Variants in EXD3 observed in about 807,000 individuals in gnomAD.
The protein encoded by EXD3 is exonuclease 3'-5' domain containing 3, also known as exonuclease mut-7 homolog.
A neutral mutation model predicts 98.0 loss-of-function variants in EXD3; 92 were observed. That is an observed-to-expected ratio of 0.94 (90% confidence interval 0.79 to 1.12). The LOEUF is 1.12. EXD3 is among the 50% of genes most tolerant of loss of function. The pLI, the probability that EXD3 is intolerant of heterozygous loss-of-function variation, is 0.00. For synonymous variants in EXD3, 569 were observed against 526.0 expected (o/e 1.08, Z -1.12); for missense variants, 1,222 against 1,191.6 (o/e 1.03, Z -0.38).
Position 137,324,592 on chromosome 9 carries a change from A to G in EXD3, c.1999-449T>C, listed in dbSNP as rs1832286746. Among the ~76,000 whole-genome samples the G allele has an allele frequency of 6.6e-6, 1 of 152,210 alleles. No homozygotes were observed. Among genetic ancestry groups the G allele is most frequent in the Admixed American group, 6.5e-5 (1 of 15,288 alleles). On this transcript the variant is annotated intron_variant, in intron 17 of 21. Transcript: ENST00000340951. The surrounding 1 kb of genome is among the most constrained non-coding windows in gnomAD (Gnocchi z 4.1). ...TGACAGTGTCGACGTGGCTCTTCCC[A>G]AAGCTTTGTATGAACTGTGGCATAA...
At chr9:137,340,867 T>C (rs577207992) in intron 17 of EXD3, among the ~76,000 whole-genome samples, 6 of 152,298 alleles carry the variant, frequency 3.9e-5, no homozygotes, top group Non-Finnish European at 8.8e-5. Flanking sequence ...ATAGAGTCAA[T>C]GCAGTTCCAA....
At chr9:137,345,463 A>C (rs925074590) in intron 17 of EXD3, among the ~76,000 whole-genome samples, 7 of 152,186 alleles carry the variant, frequency 4.6e-5, no homozygotes, top group Admixed American at 4.6e-4. Context: ...GGAATTCGAG[A>C]CCAGCCTGAC....
Position 137,307,218 on chromosome 9 carries a change from G to C in EXD3, c.2363C>G (p.Pro788Arg). 6.3e-7 allele frequency: 1 copy of C among 1,574,980 alleles called. No homozygotes were observed. The highest frequency in any genetic ancestry group is 8.6e-7 in the Non-Finnish European group (1 of 1,160,630). The change falls in exon 22 of 22, where the codon CCC (proline) becomes CGC (arginine). Residue 788 changes from proline (P) to arginine (R), a missense_variant. Transcript: ENST00000340951. ...GTCAGCCATCTGCAGCCAGCGGCAG[G>C]GGCGGTCATAGGTGCAGCCCTCAGG... ...AAPEGCTYDRPCRWLQMADLR... is the reference protein window; with the variant it reads ...AAPEGCTYDRRCRWLQMADLR...
intron 1 of EXD3, among the ~76,000 whole-genome samples, chr9:137,402,014 T>TTCTTTTTTAGTTTTGTTTTTGAGATGGAG (rs1461629185): frequency 1.3e-4 from 20 of 152,242 alleles, no homozygotes; most frequent in African/African-American, 4.6e-4. Context: ...TTAAACATAA[T>TTCTTTTTTAGTTTTGTTTTTGAGATGGAG]TCTTTTTTAG....
intron 1 of EXD3, among the ~76,000 whole-genome samples, chr9:137,411,183 GAGT>G (rs141394023): frequency 0.013 from 1,951 of 152,328 alleles, 44 homozygotes; most frequent in African/African-American, 0.044. Context: ...CCGTGAGATG[GAGT>G]AGATGATGCC....
At chr9:137,332,561 T>G (rs945370954) in intron 17 of EXD3, among the ~76,000 whole-genome samples, 2 of 109,100 alleles carry the variant, frequency 1.8e-5, no homozygotes. Context: ...TACATGGTAT[T>G]GGCCAGGCGC....
Position 137,365,704 on chromosome 9 carries a change from A to C in EXD3, c.656+789T>G, listed in dbSNP as rs1835200746. On this transcript the variant is annotated intron_variant, in intron 7 of 21. Coordinates refer to ENST00000340951, the MANE Select transcript of EXD3 (RefSeq NM_017820.5). Reference sequence around the variant, plus strand: ...CAGGCACACATGCACACACGTACACACCCATGCACACACACATACAAACAC... The same window carrying C: ...CAGGCACACATGCACACACGTACACCCCCATGCACACACACATACAAACAC... 2.7e-5 allele frequency: 8 copies of C among 292,550 alleles called. No individual in the cohort carries two copies. The Admixed American group carries it at 3.3e-4, about 12-fold the overall frequency. 18.1% of individuals were successfully genotyped at this position (292,550 alleles called of 1,614,324 possible).
intron 2 of EXD3, among the ~76,000 whole-genome samples, chr9:137,386,953 G>A (rs528714176): frequency 1.8e-5 from 2 of 113,346 alleles, no homozygotes; most frequent in East Asian, 5.4e-4. Flanking sequence ...CTCCCTGCCT[G>A]CCTCCCTCAG....
intron 19 of EXD3, among the ~76,000 whole-genome samples, chr9:137,317,017 T>G (rs888104086): frequency 6.6e-6 from 1 of 152,074 alleles, no homozygotes; most frequent in African/African-American, 2.4e-5. Flanking sequence ...GGCATAGGGG[T>G]GCAGGGGGCA....
intron 17 of EXD3, among the ~76,000 whole-genome samples, chr9:137,338,426 C>A (rs1833475248): frequency 6.6e-6 from 1 of 151,924 alleles, no homozygotes; most frequent in Non-Finnish European, 1.5e-5. Context: ...ACACTTATAT[C>A]ATAAAATATA....
Position 137,348,099 on chromosome 9 carries a change from T to C in EXD3, c.1970A>G (p.Asn657Ser). 1 of 1,611,848 alleles carries C rather than the reference T, an allele frequency of 6.2e-7. No homozygotes were observed. Among genetic ancestry groups the C allele is most frequent in the African/African-American group, 1.3e-5 (1 of 74,990 alleles). Residue 657 changes from asparagine (N) to serine (S), a missense_variant, in exon 17 of 22, where the codon AAT becomes AGT. Asn to Ser is a conservative substitution (Grantham distance 46). Transcript: ENST00000340951. ...CLGVDARMLG[N>S]GEDHRRAAEV... ...GGCCGCCCTGCGGTGGTCTTCACCA[T>C]TGCCCAGCATGCGTGCATCCACACC... is the stretch of plus-strand genomic sequence containing the variant.
chr9:137,388,420 C>T (rs990390831), intron 2 of EXD3, among the ~76,000 whole-genome samples: 1 of 152,188 alleles, frequency 6.6e-6, no homozygotes, highest in African/African-American at 2.4e-5. Context: ...CTCCAAACGA[C>T]ACCCGGCTAA....
chr9:137,408,869 G>C (rs1242473855), intron 1 of EXD3, among the ~76,000 whole-genome samples: 1 of 152,204 alleles, frequency 6.6e-6, no homozygotes, highest in Non-Finnish European at 1.5e-5. Flanking sequence ...CATCAGGCTG[G>C]GTCAGCCCCT....
chr9:137,321,801 TC>T (rs1454928236), intron 19 of EXD3, among the ~76,000 whole-genome samples: 2 of 152,212 alleles, frequency 1.3e-5, no homozygotes, highest in Non-Finnish European at 2.9e-5. Context: ...GCCCGTACCC[TC>T]CACCGGGAAC....
intron 19 of EXD3, among the ~76,000 whole-genome samples, chr9:137,314,090 C>T (rs891239873): frequency 6.6e-6 from 1 of 152,138 alleles, no homozygotes; most frequent in Non-Finnish European, 1.5e-5. Flanking sequence ...CCCCTAGAGC[C>T]GCCCAACCGA....
chr9:137,354,999 G>C (rs148894229), intron 8 of EXD3, among the ~76,000 whole-genome samples: 1 of 152,160 alleles, frequency 6.6e-6, no homozygotes, highest in Non-Finnish European at 1.5e-5. Flanking sequence ...CTTGTGTGGC[G>C]GGCCCTTTCG....
At chr9:137,353,939 C>T (rs1319922874) in intron 10 of EXD3, 4 of 1,039,708 alleles carry the variant, frequency 3.8e-6, no homozygotes, top group Non-Finnish European at 4.6e-6. Flanking sequence ...AGGACGTCCG[C>T]TGCCCTTCCG....
Position 137,347,940 on chromosome 9 carries a change from C to T in EXD3, c.1998+131G>A. On this transcript the variant is annotated intron_variant, in intron 17 of 21. Coordinates refer to ENST00000340951, the MANE Select transcript of EXD3 (RefSeq NM_017820.5). The surrounding 1 kb of genome is among the most constrained non-coding windows in gnomAD (Gnocchi z 4.2). ...CATCCTTGGCCACCCCGTCCTGTTCCCAGAGCCTGCCTGGCACAGCTGGCA... is the reference window on the plus strand; with the variant it reads ...CATCCTTGGCCACCCCGTCCTGTTCTCAGAGCCTGCCTGGCACAGCTGGCA... 1 of 1,179,126 alleles carries T rather than the reference C, an allele frequency of 8.5e-7. No homozygotes were observed. Among genetic ancestry groups the T allele is most frequent in the Non-Finnish European group, 1.2e-6 (1 of 851,656 alleles). 73.0% of individuals were successfully genotyped at this position (1,179,126 alleles called of 1,614,324 possible). A position where few individuals can be genotyped will look rare whatever the true frequency, so the allele number is the denominator to read the frequency against.
chr9:137,325,376 C>T (rs1458049447), intron 17 of EXD3, among the ~76,000 whole-genome samples: 2 of 152,116 alleles, frequency 1.3e-5, no homozygotes, highest in African/African-American at 2.4e-5. Flanking sequence ...GGAACAGGTG[C>T]GGAGGAGGAC....
Sources: gnomAD v4.1 joint callset for allele counts (sites outside exome capture counted in the v4.1 genomes callset) on GRCh38, gnomAD v4.1.1 for gene constraint, Gnocchi (gnomAD v3.1) non-coding constraint, MANE v1.5 for transcripts, NCBI Gene and HGNC (gene_info 2026-07-23, HGNC 2026-07-21) for gene names.